ARHGEF3: variants seen among roughly 807,000 people sequenced by gnomAD.
The protein encoded by ARHGEF3 is Rho guanine nucleotide exchange factor 3.
A neutral mutation model predicts 63.2 loss-of-function variants in ARHGEF3; 28 were observed. The ratio of observed to expected loss-of-function variants is 0.44; its 90% CI spans 0.33 to 0.61. The LOEUF (loss-of-function observed/expected upper bound fraction) is 0.61. Among genes scored for constraint, ARHGEF3 ranks in the 20% least tolerant of loss-of-function variants. The probability of loss-of-function intolerance (pLI) is 0.03; values close to 1 mark genes in which losing one functional copy is unlikely to be tolerated. For missense variants in ARHGEF3, 533 were observed against 659.3 expected, an observed-to-expected ratio of 0.81 and a Z score of 2.10; for synonymous variants, 266 against 254.2, an observed-to-expected ratio of 1.05 and a Z score of -0.44.
chr3:56,952,155 G>C (rs1220420320), intron 3 of ARHGEF3, among the ~76,000 whole-genome samples: 1 of 152,000 alleles, frequency 6.6e-6, no homozygotes, highest in Non-Finnish European at 1.5e-5. Flanking sequence ...AATTTAGTCT[G>C]ATGAGCCCTT....
intron 4 of ARHGEF3, among the ~76,000 whole-genome samples, chr3:56,876,017 A>G (rs2040574349): frequency 6.6e-6 from 1 of 152,132 alleles, no homozygotes; most frequent in Admixed American, 6.6e-5. Flanking sequence ...AGCTTCTTAG[A>G]GGAGAGCTAG....
chr3:57,074,773 T>C (rs1445298683), intron 1 of ARHGEF3: 1 of 178,024 alleles, frequency 5.6e-6, no homozygotes, highest in Non-Finnish European at 1.3e-5. Flanking sequence ...GAGCAAGTCT[T>C]ACAATGTGCA....
intron 1 of ARHGEF3, among the ~76,000 whole-genome samples, chr3:56,791,866 TA>T (rs5849169): frequency 0.69 from 101,656 of 147,796 alleles, 36,021 homozygotes; most frequent in East Asian, 0.92. Flanking sequence ...ATAGCAAAAT[TA>T]AAAAAAAAAA....
chr3:56,793,566 G>A (rs151173646), intron 1 of ARHGEF3, among the ~76,000 whole-genome samples: 3,554 of 152,244 alleles, frequency 0.023, 60 homozygotes, highest in Middle Eastern at 0.051. Context: ...GCTTCCCAAA[G>A]TGCTGGGATT....
At chr3:56,746,573 T>C (rs925828364) in intron 6 of ARHGEF3, among the ~76,000 whole-genome samples, 3 of 151,766 alleles carry the variant, frequency 2.0e-5, no homozygotes, top group Admixed American at 6.6e-5. Flanking sequence ...CTACTAAAAA[T>C]ACAAAAATTA....
intron 4 of ARHGEF3, among the ~76,000 whole-genome samples, chr3:56,858,976 T>C (rs990816352): frequency 6.6e-6 from 1 of 152,076 alleles, no homozygotes; most frequent in Non-Finnish European, 1.5e-5. Flanking sequence ...AAAATGTTTT[T>C]AAATGGCGAA....
chr3:57,018,113 T>C (rs1171195797), intron 2 of ARHGEF3, among the ~76,000 whole-genome samples: 2 of 152,054 alleles, frequency 1.3e-5, no homozygotes, highest in East Asian at 3.9e-4. Flanking sequence ...ACCCCATTTC[T>C]ACTAAAAATA....
intron 1 of ARHGEF3, among the ~76,000 whole-genome samples, chr3:57,035,646 G>A (rs978112396): frequency 1.3e-5 from 2 of 152,252 alleles, no homozygotes; most frequent in African/African-American, 2.4e-5. Flanking sequence ...ACTGCGCTCC[G>A]CCAGGTACCA....
At chr3:56,894,142 C>T (rs2041218731) in intron 3 of ARHGEF3, among the ~76,000 whole-genome samples, 1 of 152,120 alleles carries the variant, frequency 6.6e-6, no homozygotes, top group Admixed American at 6.5e-5. Context: ...CTATGAGGGA[C>T]TGGGGCTGGC....
intron 3 of ARHGEF3, among the ~76,000 whole-genome samples, chr3:56,956,475 A>G (rs565686720): frequency 1.9e-3 from 287 of 152,338 alleles, no homozygotes; most frequent in Middle Eastern, 3.4e-3. Flanking sequence ...TAAACCAAGT[A>G]TGTATCTAAC....
intron 7 of ARHGEF3, among the ~76,000 whole-genome samples, chr3:56,742,976 G>A (rs2034140148): frequency 6.6e-6 from 1 of 152,154 alleles, no homozygotes; most frequent in Non-Finnish European, 1.5e-5. Context: ...AATCTTTACA[G>A]TAACTCAGAA....
chr3:56,854,075 G>C (rs574775822), intron 4 of ARHGEF3, among the ~76,000 whole-genome samples: 19 of 152,248 alleles, frequency 1.2e-4, no homozygotes, highest in African/African-American at 4.6e-4. Context: ...GGCGCCTGCA[G>C]TCCCAGCTAC....
At chr3:56,878,826 G>A (rs2040676951) in intron 4 of ARHGEF3, among the ~76,000 whole-genome samples, 1 of 152,216 alleles carries the variant, frequency 6.6e-6, no homozygotes, top group Admixed American at 6.5e-5. Flanking sequence ...GAATCAGGCT[G>A]CACAGTAACA....
At chr3:56,826,173 G>A (rs1035245503) in intron 4 of ARHGEF3, among the ~76,000 whole-genome samples, 5 of 152,160 alleles carry the variant, frequency 3.3e-5, no homozygotes, top group Non-Finnish European at 7.4e-5. Flanking sequence ...GAAGTGAGGA[G>A]AAAAAGAGAT....
intron 3 of ARHGEF3, among the ~76,000 whole-genome samples, chr3:56,894,532 G>T (rs1360135014): frequency 6.6e-6 from 1 of 152,168 alleles, no homozygotes; most frequent in Non-Finnish European, 1.5e-5. Flanking sequence ...GCTCAAGCCT[G>T]TAATCTCAGC....
At chr3:56,771,792 A>C (rs545648437) in intron 2 of ARHGEF3, among the ~76,000 whole-genome samples, 1 of 152,258 alleles carries the variant, frequency 6.6e-6, no homozygotes, top group East Asian at 1.9e-4. Context: ...GATGGCTGGT[A>C]ATTTGGAGGT....
At chr3:56,965,371 CA>C (rs1700449000) in intron 2 of ARHGEF3, among the ~76,000 whole-genome samples, 1 of 151,878 alleles carries the variant, frequency 6.6e-6, no homozygotes, top group Non-Finnish European at 1.5e-5. Context: ...AAAACTGTCC[CA>C]AGAAGAAATA....
intron 1 of ARHGEF3, among the ~76,000 whole-genome samples, chr3:57,060,097 A>G (rs1325439363): frequency 2.0e-5 from 3 of 152,198 alleles, no homozygotes; most frequent in Non-Finnish European, 4.4e-5. Flanking sequence ...AGGCGGGAGG[A>G]TCACTTGAGC....
intron 2 of ARHGEF3, among the ~76,000 whole-genome samples, chr3:56,979,852 G>A (rs1701259218): frequency 6.6e-6 from 1 of 152,148 alleles, no homozygotes; most frequent in African/African-American, 2.4e-5. Context: ...ATCCTTAGAA[G>A]GTGCTTAGAA....
Sources: gnomAD v4.1 joint callset for allele counts (sites outside exome capture counted in the v4.1 genomes callset) on GRCh38, gnomAD v4.1.1 for gene constraint, MANE v1.5 for transcripts, NCBI Gene and HGNC (gene_info 2026-07-23, HGNC 2026-07-21) for gene names.